TXNRD1: variants seen among roughly 807,000 people sequenced by gnomAD.
TXNRD1 encodes thioredoxin reductase 1, cytoplasmic.
In TXNRD1, 57 loss-of-function variants were observed where a neutral mutation model predicts 80.3. The observed-to-expected ratio is 0.71, with a 90% CI of 0.57 to 0.89. The LOEUF (loss-of-function observed/expected upper bound fraction) is 0.89, where lower values mean the gene tolerates loss of function less well. Ranked by LOEUF, TXNRD1 falls within the 40% of genes least tolerant of loss-of-function variation. TXNRD1 has a pLI of 0.00. For synonymous variants in TXNRD1, 291 were observed against 285.2 expected (o/e 1.02, Z -0.20); for missense variants, 730 against 803.0 (o/e 0.91, Z 1.10).
chr12:104,279,431 G>C (rs1398723584), intron 3 of TXNRD1, among the ~76,000 whole-genome samples: 6 of 152,184 alleles, frequency 3.9e-5, no homozygotes, highest in Non-Finnish European at 8.8e-5. Flanking sequence ...TGGTGGGAGG[G>C]AGGACAGTAA....
In TXNRD1 at chr12:104,325,353, C is replaced by T. The variant is rs758714889; in HGVS notation, c.1232C>T (p.Ala411Val). 6.2e-7 allele frequency: 1 copy of T among 1,612,800 alleles called. No individual in the cohort carries two copies. Among genetic ancestry groups the T allele is most frequent in the South Asian group, 1.1e-5 (1 of 90,802 alleles). Residue 411 changes from alanine (A) to valine (V), a missense_variant, in exon 11 of 17, where the codon GCA becomes GTA. Physicochemically the swap from Ala to Val is moderately conservative, Grantham distance 64 (BLOSUM62 0). Transcript: ENST00000525566. ...FVPIKVEQIE[A>V]GTPGRLRVVA... is the part of the protein sequence containing the mutation. The stretch of plus-strand genomic sequence containing the variant: ...CTCTTACAGGTTGAACAAATTGAAG[C>T]AGGGACACCAGGCCGACTCAGAGTA...
At chr12:104,261,289 G>T (rs999749909) in intron 3 of TXNRD1, among the ~76,000 whole-genome samples, 1 of 151,890 alleles carries the variant, frequency 6.6e-6, no homozygotes, top group Admixed American at 6.6e-5. Context: ...TCAGCCCCCA[G>T]AGTAGCTGGG....
intron 3 of TXNRD1, among the ~76,000 whole-genome samples, chr12:104,274,989 G>C (rs2033726554): frequency 6.6e-6 from 1 of 152,138 alleles, no homozygotes; most frequent in Non-Finnish European, 1.5e-5. Flanking sequence ...ATTGCAGAAG[G>C]GAAATATTCT....
Position 104,219,802 on chromosome 12 carries a change from TGA to T in TXNRD1, c.91+3911_91+3912del, listed in dbSNP as rs1373483918. On this transcript the variant is annotated intron_variant, in intron 1 of 16. Coordinates refer to ENST00000525566, the MANE Select transcript of TXNRD1 (RefSeq NM_001093771.3). ...AGGCAATTTTTTTTTTTTTAATAAGTGAGGAATGTTCCAAAAGCCAATGCTAT... is the reference window on the plus strand; with the variant it reads ...AGGCAATTTTTTTTTTTTTAATAAGTGGAATGTTCCAAAAGCCAATGCTAT... 3.3e-5 allele frequency among the ~76,000 whole-genome samples: 5 copies of T among 152,068 alleles called. No individual in the cohort carries two copies. The East Asian group carries it at 9.7e-4, about 29-fold the overall frequency.
intron 3 of TXNRD1, among the ~76,000 whole-genome samples, chr12:104,283,302 A>G (rs1385642276): frequency 1.3e-5 from 2 of 151,840 alleles, no homozygotes; most frequent in African/African-American, 2.4e-5. Context: ...TCCAGGCTGG[A>G]GTACAATGGC....
At chr12:104,331,749 C>T (rs776502410) in intron 14 of TXNRD1, 108 bp downstream of exon 14, 12 of 680,710 alleles carry the variant, frequency 1.8e-5, no homozygotes, top group South Asian at 8.0e-5. Context: ...TTCATATACC[C>T]GTTATCCAGA....
At chr12:104,314,648 A>G (rs1449440186) in intron 6 of TXNRD1, among the ~76,000 whole-genome samples, 1 of 152,002 alleles carries the variant, frequency 6.6e-6, no homozygotes, top group Non-Finnish European at 1.5e-5. Flanking sequence ...ATTTTTAGGG[A>G]GCAAGGGAAG....
chr12:104,347,984 G>T (rs1442153506), intron 16 of TXNRD1, among the ~76,000 whole-genome samples: 3 of 152,124 alleles, frequency 2.0e-5, no homozygotes, highest in Non-Finnish European at 4.4e-5. Flanking sequence ...GGCCAATGGG[G>T]TGGCACACAC....
chr12:104,256,983 T>TC (rs2033267412), intron 2 of TXNRD1, among the ~76,000 whole-genome samples: 1 of 149,428 alleles, frequency 6.7e-6, no homozygotes, highest in Non-Finnish European at 1.5e-5. Context: ...TTTCTTTTTT[T>TC]TTTTTTTTCA....
At chr12:104,304,480 A>G (rs766198574) in intron 4 of TXNRD1, 9 of 1,614,062 alleles carry the variant, frequency 5.6e-6, no homozygotes, top group South Asian at 1.1e-5. Context: ...GTTCTGCACC[A>G]AAGCCCCGAC....
chr12:104,234,638 G>GAAAA (rs33956129), intron 1 of TXNRD1, among the ~76,000 whole-genome samples: 4 of 125,896 alleles, frequency 3.2e-5, no homozygotes, highest in East Asian at 2.3e-4. Context: ...TAAAGTCAGG[G>GAAAA]AAAAAAAAAA....
chr12:104,274,754 T>C (rs2033721812), intron 3 of TXNRD1, among the ~76,000 whole-genome samples: 2 of 152,018 alleles, frequency 1.3e-5, no homozygotes, highest in Non-Finnish European at 1.5e-5. Context: ...ATGGCACTTC[T>C]TTCATCTTAG....
In TXNRD1 at chr12:104,321,083, T is replaced by C. The variant is rs550114104; in HGVS notation, c.990-8T>C. 4.1e-3 allele frequency: 6,195 copies of C among 1,504,468 alleles called. 141 individuals carry two copies. In the African/African-American group the frequency reaches 0.064, roughly 16 times the overall value. 93.2% of individuals were successfully genotyped at this position (1,504,468 alleles called of 1,614,324 possible). A position where few individuals can be genotyped will look rare whatever the true frequency, so the allele number is the denominator to read the frequency against. ...CTTCTTTCTTCCTTTTTTTTTTTTT[T>C]CCCCCAGTGATGATCTTTTCTCCTT... is the stretch of plus-strand genomic sequence containing the variant. On this transcript the variant is annotated splice_polypyrimidine_tract_variant and splice_region_variant and intron_variant, in intron 9 of 16. Transcript: ENST00000525566.
intron 3 of TXNRD1, among the ~76,000 whole-genome samples, chr12:104,266,290 G>A (rs1324960399): frequency 6.6e-6 from 1 of 152,198 alleles, no homozygotes; most frequent in Non-Finnish European, 1.5e-5. Flanking sequence ...TACTTTGGGA[G>A]GCTAAGGTGA....
At chr12:104,248,054 A>G (rs2033030346) in intron 1 of TXNRD1, among the ~76,000 whole-genome samples, 1 of 152,204 alleles carries the variant, frequency 6.6e-6, no homozygotes, top group Non-Finnish European at 1.5e-5. Flanking sequence ...CTTATACGTT[A>G]CTTTTTAAAA....
chr12:104,282,559 C>T (rs1480499603), intron 3 of TXNRD1, among the ~76,000 whole-genome samples: 2 of 152,164 alleles, frequency 1.3e-5, no homozygotes, highest in East Asian at 3.8e-4. Flanking sequence ...GAGATCTTTC[C>T]TGACTTCCCT....
chr12:104,315,588 C>A (rs935824076), intron 6 of TXNRD1, among the ~76,000 whole-genome samples, 189 bp from the exon 7 acceptor site: 3 of 151,938 alleles, frequency 2.0e-5, no homozygotes, highest in African/African-American at 7.3e-5. Context: ...ATGATGTTAC[C>A]GTGTTTGGTA....
chr12:104,303,607 T>C (rs1484282842), intron 4 of TXNRD1: 2 of 320,102 alleles, frequency 6.2e-6, no homozygotes, highest in Non-Finnish European at 1.1e-5. Context: ...GGCCCATCAT[T>C]GCGCGTGTTG....
chr12:104,295,468 C>T (rs1008586485), intron 4 of TXNRD1, among the ~76,000 whole-genome samples: 1 of 152,158 alleles, frequency 6.6e-6, no homozygotes, highest in African/African-American at 2.4e-5. Flanking sequence ...AGATCTGCAT[C>T]CAGAACGAAA....
Sources: gnomAD v4.1 joint callset for allele counts (sites outside exome capture counted in the v4.1 genomes callset) on GRCh38, gnomAD v4.1.1 for gene constraint, MANE v1.5 for transcripts, NCBI Gene and HGNC (gene_info 2026-07-23, HGNC 2026-07-21) for gene names.